SPCS2: variants seen among roughly 807,000 people sequenced by gnomAD.
The protein encoded by SPCS2 is signal peptidase complex subunit 2.
SPCS2 carries 3 observed loss-of-function variants against 22.3 expected under a neutral mutation model. That is an observed-to-expected ratio of 0.13 (90% CI 0.06 to 0.35). The LOEUF is 0.35. SPCS2 is among the 10% of genes least tolerant of loss of function. The pLI is 1.00. For missense variants in SPCS2, 169 were observed against 280.9 expected, an observed-to-expected ratio of 0.60 and a Z score of 2.85; for synonymous variants, 67 against 97.2, an observed-to-expected ratio of 0.69 and a Z score of 1.83.
chr11:74,955,554 T>C (rs1341685027), intron 1 of SPCS2, among the ~76,000 whole-genome samples: 2 of 151,918 alleles, frequency 1.3e-5, no homozygotes, highest in East Asian at 3.9e-4. Flanking sequence ...AGGAATAAGA[T>C]GTGACTGCTA....
rs1948598633 is a variant in SPCS2 at position 74,973,495 on chromosome 11, T to C, written c.495-3362T>C. ...ATACCCTAGTAGACCTTGCAATTAA[T>C]AAGAACAAATTACCTGCAATAATTT... On this transcript the variant is annotated intron_variant, in intron 4 of 4. Transcript: ENST00000263672. Among the ~76,000 whole-genome samples the C allele has an allele frequency of 2.6e-5, 4 of 152,248 alleles. No homozygotes were observed. The South Asian group carries it at 6.2e-4, about 24-fold the overall frequency.
At chr11:74,974,830 G>A (rs1029373117) in intron 4 of SPCS2, among the ~76,000 whole-genome samples, 3 of 152,016 alleles carry the variant, frequency 2.0e-5, no homozygotes, top group South Asian at 2.1e-4. Flanking sequence ...TAGCCAGGAT[G>A]GTCTGGATCT....
At chr11:74,973,523 G>C (rs1453834094) in intron 4 of SPCS2, among the ~76,000 whole-genome samples, 1 of 152,148 alleles carries the variant, frequency 6.6e-6, no homozygotes, top group Non-Finnish European at 1.5e-5. Context: ...AATAATTTCA[G>C]TTTTAAGTAT....
At chr11:74,956,439 T>G (rs1199432807) in intron 1 of SPCS2, among the ~76,000 whole-genome samples, 1 of 152,240 alleles carries the variant, frequency 6.6e-6, no homozygotes, top group Non-Finnish European at 1.5e-5. Context: ...TCATTTCAGG[T>G]AGATACCTCC....
chr11:74,976,939 A>G lies in SPCS2; in HGVS notation c.577A>G (p.Ile193Val), dbSNP rs1311916665. 6.2e-7 allele frequency: 1 copy of G among 1,612,934 alleles called. No individual in the cohort carries two copies. The highest frequency in any genetic ancestry group is 8.5e-7 in the Non-Finnish European group (1 of 1,179,346). ...QQREAEFTKS[I>V]AKFFDHSGTL... is the part of the protein sequence containing the mutation. ...GCGGGAAGCCGAGTTCACAAAGTCC[A>G]TTGCTAAGTTTTTTGACCACAGTGG... Residue 193 changes from isoleucine (I) to valine (V), a missense_variant, in exon 5 of 5, where the codon ATT becomes GTT. Physicochemically the swap from Ile to Val is conservative, Grantham distance 29. Transcript: ENST00000263672.
intron 4 of SPCS2, among the ~76,000 whole-genome samples, chr11:74,974,917 T>G (rs1948606713): frequency 6.6e-6 from 1 of 152,104 alleles, no homozygotes; most frequent in South Asian, 2.1e-4. Context: ...CCCGGCCCAC[T>G]GTAATGATGT....
intron 2 of SPCS2, 48 bp from the exon 3 acceptor site, chr11:74,965,715 T>A (rs754782108): frequency 6.7e-7 from 1 of 1,484,018 alleles, no homozygotes; most frequent in Non-Finnish European, 9.3e-7. Flanking sequence ...AAGCACATAC[T>A]GGGGAGGAAG....
intron 2 of SPCS2, 57 bp downstream of exon 2, chr11:74,965,174 G>A: frequency 8.6e-7 from 1 of 1,166,696 alleles, no homozygotes. Flanking sequence ...CATCTCTCCT[G>A]GGAAATCTTT....
intron 3 of SPCS2, 130 bp from the exon 4 acceptor site, chr11:74,969,435 A>T: frequency 1.2e-6 from 1 of 810,250 alleles, no homozygotes; most frequent in Non-Finnish European, 1.9e-6. Flanking sequence ...CTAAATTTTC[A>T]GTGTTTTGGC....
rs546963677 is a variant in SPCS2 at position 74,955,060 on chromosome 11, A to G, written c.114+5661A>G. Among the ~76,000 whole-genome samples the G allele has an allele frequency of 9.8e-5, 14 of 142,944 alleles. No individual in the cohort carries two copies. In the East Asian group the frequency reaches 2.3e-3, roughly 24 times the overall value. The allele number at this position is 142,944 out of a possible 152,430, so 93.8% of individuals were successfully genotyped here. A position where few individuals can be genotyped will look rare whatever the true frequency, so the allele number is the denominator to read the frequency against. ...ACTAAGATTGCTATAATAAAGGGGG[A>G]AAAAAAAGGAAAATAACCTGTTTTG... On this transcript the variant is annotated intron_variant, in intron 1 of 4. Coordinates refer to ENST00000263672, the MANE Select transcript of SPCS2 (RefSeq NM_014752.3).
At position 74,977,098 on chromosome 11, in the gene SPCS2, G is replaced by T. The variant is rs565261817; in HGVS notation, c.*55G>T. On this transcript the variant is annotated 3_prime_UTR_variant, in exon 5 of 5. Coordinates refer to ENST00000263672, the MANE Select transcript of SPCS2 (RefSeq NM_014752.3). ...GGATCTTGCTGAATTAGTGGCTTGG[G>T]GGGTGGGGGAGATAAAAAGAACTTA... 3 of 1,179,250 alleles carry T rather than the reference G, an allele frequency of 2.5e-6. No homozygotes were observed. The Admixed American group carries it at 9.1e-5, about 36-fold the overall frequency. The allele number at this position is 1,179,250 out of a possible 1,614,324, so 73.0% of individuals were successfully genotyped here.
At chr11:74,954,213 T>C (rs1384867170) in intron 1 of SPCS2, among the ~76,000 whole-genome samples, 1 of 152,242 alleles carries the variant, frequency 6.6e-6, no homozygotes, top group Non-Finnish European at 1.5e-5. Flanking sequence ...CTTTAAAATG[T>C]TTATAATGAA....
At chr11:74,957,051 T>C (rs1276753815) in intron 1 of SPCS2, among the ~76,000 whole-genome samples, 1 of 152,168 alleles carries the variant, frequency 6.6e-6, no homozygotes, top group Admixed American at 6.5e-5. Flanking sequence ...TGGAATTATA[T>C]GCGTATTTGT....
chr11:74,950,178 C>G (rs1035685844), intron 1 of SPCS2, among the ~76,000 whole-genome samples: 1 of 152,212 alleles, frequency 6.6e-6, no homozygotes, highest in Non-Finnish European at 1.5e-5. Context: ...GAAACAGTTG[C>G]ACGGAGAACA....
At chr11:74,972,985 G>A (rs1948595031) in intron 4 of SPCS2, among the ~76,000 whole-genome samples, 2 of 150,994 alleles carry the variant, frequency 1.3e-5, no homozygotes, top group Non-Finnish European at 2.9e-5. Context: ...ACCAAACATC[G>A]CATATTCTCA....
rs537045305 is a variant in SPCS2, at chr11:74,976,777, G to A, written c.495-80G>A. On this transcript the variant is annotated intron_variant, in intron 4 of 4. Transcript: ENST00000263672. ...CGTGCCCAGCTTACTCCTTTTCTTC[G>A]GAAACACTTGGTGCCGTATTGTTAC... The A allele has an allele frequency of 1.7e-5, 27 of 1,565,986 alleles. No individual in the cohort carries two copies. In the East Asian group the frequency reaches 2.9e-4, roughly 17 times the overall value.
intron 1 of SPCS2, among the ~76,000 whole-genome samples, chr11:74,953,438 C>T (rs188383819): frequency 6.6e-5 from 10 of 152,222 alleles, no homozygotes; most frequent in East Asian, 3.9e-4. Context: ...GGTGATCCAA[C>T]GGCCTCGGCC....
intron 1 of SPCS2, chr11:74,963,591 T>G (rs1948527159): frequency 4.6e-6 from 2 of 436,176 alleles, no homozygotes; most frequent in Admixed American, 5.0e-5. Context: ...TTATTTATTT[T>G]CAGAGACAAG....
At chr11:74,973,012 G>A (rs1948595313) in intron 4 of SPCS2, among the ~76,000 whole-genome samples, 1 of 151,792 alleles carries the variant, frequency 6.6e-6, no homozygotes, top group South Asian at 2.1e-4. Context: ...GGTGGGAATT[G>A]AACAATGAGA....
Sources: gnomAD v4.1 joint callset for allele counts (sites outside exome capture counted in the v4.1 genomes callset) on GRCh38, gnomAD v4.1.1 for gene constraint, MANE v1.5 for transcripts, NCBI Gene and HGNC (gene_info 2026-07-23, HGNC 2026-07-21) for gene names.